Variants in ARHGAP20 observed in about 807,000 individuals in gnomAD.
ARHGAP20 encodes the protein Rho GTPase activating protein 20.
ARHGAP20 carries 34 observed loss-of-function variants against 73.7 expected under a neutral mutation model. The ratio of observed to expected loss-of-function variants is 0.46; its 90% CI spans 0.35 to 0.61. ARHGAP20 has a LOEUF of 0.61. ARHGAP20 is among the 20% of genes least tolerant of loss of function. The pLI is 0.00. For synonymous variants in ARHGAP20, 523 were observed against 518.2 expected (o/e 1.01, Z -0.13); for missense variants, 1,314 against 1,420.9 (o/e 0.92, Z 1.21).
chr11:110,607,077 T>C (rs930736173), intron 8 of ARHGAP20, among the ~76,000 whole-genome samples: 10 of 152,218 alleles, frequency 6.6e-5, no homozygotes, highest in Non-Finnish European at 1.2e-4. Context: ...AGGTATTCTA[T>C]TGTCTCCTTT....
intron 1 of ARHGAP20, among the ~76,000 whole-genome samples, chr11:110,711,000 CA>C (rs1950639151): frequency 1.0e-5 from 1 of 95,934 alleles, no homozygotes; most frequent in Admixed American, 1.3e-4. Flanking sequence ...ACCACTAAGA[CA>C]AGGCAAAAAA....
intron 11 of ARHGAP20, chr11:110,589,710 A>G: frequency 1.0e-6 from 1 of 985,158 alleles, no homozygotes; most frequent in Non-Finnish European, 1.2e-6. Context: ...TATCTCTGTA[A>G]CCATGGATGT....
In ARHGAP20 at chr11:110,577,783, G is replaced by C; in HGVS notation, c.*1587C>G. The C allele has an allele frequency of 1.0e-6, 1 of 985,746 alleles. No individual in the cohort carries two copies. Among genetic ancestry groups the C allele is most frequent in the Non-Finnish European group, 1.2e-6 (1 of 829,904 alleles). The allele number at this position is 985,746 out of a possible 1,614,324, so 61.1% of individuals were successfully genotyped here. On this transcript the variant is annotated 3_prime_UTR_variant, in exon 15 of 15. Coordinates refer to ENST00000683387, the MANE Select transcript of ARHGAP20 (RefSeq NM_001384657.1). Reference sequence around the variant, plus strand: ...CGCAAACAGGGCCATGTCCCCAAGAGGTAGGTAGCACCTATAGCTAATACT... The same window carrying C: ...CGCAAACAGGGCCATGTCCCCAAGACGTAGGTAGCACCTATAGCTAATACT...
At chr11:110,686,563 T>A (rs1354911357) in intron 2 of ARHGAP20, among the ~76,000 whole-genome samples, 2 of 152,162 alleles carry the variant, frequency 1.3e-5, no homozygotes, top group African/African-American at 4.8e-5. Flanking sequence ...CTTGTATTCC[T>A]TTTTTATAAG....
intron 2 of ARHGAP20, among the ~76,000 whole-genome samples, chr11:110,674,437 G>A (rs182023775): frequency 1.3e-5 from 2 of 151,934 alleles, no homozygotes; most frequent in African/African-American, 2.4e-5. Context: ...CAATTTGAGC[G>A]CCTACACGAT....
At chr11:110,606,479 C>T in intron 9 of ARHGAP20, 82 bp downstream of exon 9, 2 of 1,383,450 alleles carry the variant, frequency 1.4e-6, no homozygotes, top group South Asian at 1.4e-5. Context: ...GAAAAAATAC[C>T]TCATCTGGCG....
At chr11:110,588,789 A>G (rs1591298410) in intron 11 of ARHGAP20, among the ~76,000 whole-genome samples, 1 of 152,338 alleles carries the variant, frequency 6.6e-6, no homozygotes, top group South Asian at 2.1e-4. Context: ...TTCTGCAAAC[A>G]TTCTTGGTTG....
chr11:110,685,399 C>G (rs1230955105), intron 2 of ARHGAP20, among the ~76,000 whole-genome samples: 3 of 151,944 alleles, frequency 2.0e-5, no homozygotes, highest in African/African-American at 7.3e-5. Flanking sequence ...CTTAGAAAAC[C>G]TGTAACCTTC....
chr11:110,580,111 TG>T lies in ARHGAP20; in HGVS notation c.2834del (p.Pro945HisfsTer6). The T allele has an allele frequency of 6.2e-7, 1 of 1,614,134 alleles. No homozygotes were observed. The highest frequency in any genetic ancestry group is 8.5e-7 in the Non-Finnish European group (1 of 1,180,012). On this transcript the variant is annotated frameshift_variant, in exon 15 of 15. Coordinates refer to ENST00000683387, the MANE Select transcript of ARHGAP20 (RefSeq NM_001384657.1). LOFTEE classifies it low-confidence loss of function (END_TRUNC). ...CTTGGGAGCTTACTGATGAGCCGGATGGGGAAGTGCCTGGGGAGGATAAGCT... is the reference window on the plus strand; with the variant it reads ...CTTGGGAGCTTACTGATGAGCCGGATGGGAAGTGCCTGGGGAGGATAAGCT... ...YSSLSSPGTS[P>X]SGSSVSSQDS...
chr11:110,609,186 A>T, intron 7 of ARHGAP20, 136 bp from the exon 8 acceptor site: 1 of 697,136 alleles, frequency 1.4e-6, no homozygotes, highest in East Asian at 2.5e-5. Flanking sequence ...CATGAACTGC[A>T]GTGGAATCAG....
chr11:110,689,077 C>G (rs571310454), intron 2 of ARHGAP20, among the ~76,000 whole-genome samples: 1 of 150,538 alleles, frequency 6.6e-6, no homozygotes, highest in African/African-American at 2.5e-5. Context: ...CGGCTCACTG[C>G]AAGCTCCGCC....
intron 2 of ARHGAP20, among the ~76,000 whole-genome samples, chr11:110,676,127 T>C (rs1949924488): frequency 1.3e-5 from 2 of 152,232 alleles, no homozygotes; most frequent in South Asian, 4.1e-4. Context: ...CAAATCCATA[T>C]AATTGTATAC....
intron 9 of ARHGAP20, among the ~76,000 whole-genome samples, chr11:110,602,046 C>T (rs935131034): frequency 6.6e-6 from 1 of 151,818 alleles, no homozygotes; most frequent in East Asian, 1.9e-4. Context: ...TACTCATTCA[C>T]GTAATGTCTA....
In ARHGAP20 at chr11:110,692,127, C is replaced by A. The variant is rs530721386; in HGVS notation, c.106-1498G>T. On this transcript the variant is annotated intron_variant, in intron 1 of 14. Coordinates refer to ENST00000683387, the MANE Select transcript of ARHGAP20 (RefSeq NM_001384657.1). Reference sequence around the variant, plus strand: ...GCGTGCAAGCCCCATCTCACTGTTTCCATTACTCACACCTCTTAGGAACAT... The same window carrying A: ...GCGTGCAAGCCCCATCTCACTGTTTACATTACTCACACCTCTTAGGAACAT... 3.3e-5 allele frequency among the ~76,000 whole-genome samples: 5 copies of A among 152,208 alleles called. No individual in the cohort carries two copies. The South Asian group carries it at 1.0e-3, about 32-fold the overall frequency.
At chr11:110,602,798 T>C (rs1283192033) in intron 9 of ARHGAP20, among the ~76,000 whole-genome samples, 2 of 152,204 alleles carry the variant, frequency 1.3e-5, no homozygotes, top group African/African-American at 4.8e-5. Flanking sequence ...CCAATACCAC[T>C]AAGTTGTTTA....
intron 13 of ARHGAP20, among the ~76,000 whole-genome samples, chr11:110,582,816 C>T (rs1332356338): frequency 1.3e-5 from 2 of 152,202 alleles, no homozygotes; most frequent in African/African-American, 4.8e-5. Context: ...GAGGGCTCAT[C>T]TGCGAGTGCA....
chr11:110,606,016 A>G (rs370556765), intron 9 of ARHGAP20, among the ~76,000 whole-genome samples: 3 of 152,336 alleles, frequency 2.0e-5, no homozygotes, highest in African/African-American at 7.2e-5. Flanking sequence ...ATTGAAGATC[A>G]CTTTTATCAT....
At chr11:110,610,477 A>G (rs1948341199) in intron 7 of ARHGAP20, among the ~76,000 whole-genome samples, 1 of 152,132 alleles carries the variant, frequency 6.6e-6, no homozygotes, top group African/African-American at 2.4e-5. Context: ...TTTACAGAGA[A>G]TCTCACTCAA....
chr11:110,615,630 C>T lies in ARHGAP20; in HGVS notation c.504-36G>A, dbSNP rs767529893. ...AGAAAATGGGAGAGAAAAATTAAAC[C>T]ACATAAAATACAAATGCTAACAGAT... is the stretch of plus-strand genomic sequence containing the variant. On this transcript the variant is annotated intron_variant, in intron 4 of 14. Coordinates refer to ENST00000683387, the MANE Select transcript of ARHGAP20 (RefSeq NM_001384657.1). 1.7e-5 allele frequency: 27 copies of T among 1,576,376 alleles called. 1 individual carries two copies. In the South Asian group the frequency reaches 2.7e-4, roughly 16 times the overall value.
Sources: gnomAD v4.1 joint callset for allele counts (sites outside exome capture counted in the v4.1 genomes callset) on GRCh38, gnomAD v4.1.1 for gene constraint, MANE v1.5 for transcripts, NCBI Gene and HGNC (gene_info 2026-07-23, HGNC 2026-07-21) for gene names.